Variants in FOCAD observed in about 807,000 individuals in gnomAD.
FOCAD encodes KIAA1797.
A neutral mutation model predicts 225.6 loss-of-function variants in FOCAD; 198 were observed. The observed-to-expected ratio is 0.88, with a 90% CI of 0.78 to 0.99. The LOEUF is 0.99. Among genes scored for constraint, FOCAD ranks in the 50% least tolerant of loss-of-function variants. FOCAD has a pLI of 0.00. For synonymous variants in FOCAD, 897 were observed against 755.0 expected, an observed-to-expected ratio of 1.19 and a Z score of -3.08; for missense variants, 2,713 against 2,123.6, an observed-to-expected ratio of 1.28 and a Z score of -5.46.
At chr9:20,663,040 A>C (rs80214940) in intron 2 of FOCAD, among the ~76,000 whole-genome samples, 2 of 152,048 alleles carry the variant, frequency 1.3e-5, no homozygotes, top group Non-Finnish European at 2.9e-5. Flanking sequence ...ACAAACTATA[A>C]AACAAAAGGT....
chr9:20,967,392 T>A (rs1376923784), intron 35 of FOCAD, among the ~76,000 whole-genome samples: 1 of 152,190 alleles, frequency 6.6e-6, no homozygotes, highest in Non-Finnish European at 1.5e-5. Flanking sequence ...ATTGAATTCC[T>A]TTATTAACTC....
intron 1 of FOCAD, among the ~76,000 whole-genome samples, chr9:20,699,467 C>T (rs960332555): frequency 2.0e-5 from 3 of 151,516 alleles, no homozygotes; most frequent in Admixed American, 1.3e-4. Flanking sequence ...AGCACCTGGG[C>T]GCAGTAGCTC....
intron 28 of FOCAD, among the ~76,000 whole-genome samples, chr9:20,938,436 T>A (rs1472384537): frequency 6.6e-6 from 1 of 152,134 alleles, no homozygotes; most frequent in Non-Finnish European, 1.5e-5. Flanking sequence ...TGTAGGGACA[T>A]GGATGAAGCT....
At chr9:20,785,023 A>G (rs1372346053) in intron 10 of FOCAD, among the ~76,000 whole-genome samples, 1 of 151,394 alleles carries the variant, frequency 6.6e-6, no homozygotes, top group Non-Finnish European at 1.5e-5. Context: ...GCAACAAAAC[A>G]CCCCCTTCAT....
chr9:20,690,241 C>T (rs1386757688), intron 1 of FOCAD, among the ~76,000 whole-genome samples: 1 of 152,162 alleles, frequency 6.6e-6, no homozygotes, highest in African/African-American at 2.4e-5. Flanking sequence ...TTCCTTTTAC[C>T]TTCCGAAGGA....
chr9:20,682,143 CAT>C (rs1587205738), upstream of FOCAD, among the ~76,000 whole-genome samples: 1 of 152,202 alleles, frequency 6.6e-6, no homozygotes, highest in Non-Finnish European at 1.5e-5. Flanking sequence ...GGAACCTCAC[CAT>C]ATTCCAAATC....
At chr9:20,807,724 A>G (rs980495306) in intron 11 of FOCAD, among the ~76,000 whole-genome samples, 13 of 152,142 alleles carry the variant, frequency 8.5e-5, no homozygotes, top group African/African-American at 2.9e-4. Flanking sequence ...CCCAATGCTC[A>G]CTTTTTCAAT....
chr9:20,672,407 TAAAC>T (rs932168449), intron 2 of FOCAD, among the ~76,000 whole-genome samples: 3 of 152,230 alleles, frequency 2.0e-5, no homozygotes, highest in African/African-American at 4.8e-5. Context: ...ATATTTAAGT[TAAAC>T]AAATGAAATC....
At chr9:20,995,422 T>A in intron 43 of FOCAD, 134 bp from the exon 44 acceptor site, 1 of 479,830 alleles carries the variant, frequency 2.1e-6, no homozygotes, top group African/African-American at 2.0e-5. Flanking sequence ...GCCATTAAAA[T>A]CCTGCCAAAA....
chr9:20,890,530 G>A (rs935244062), intron 21 of FOCAD, among the ~76,000 whole-genome samples: 2 of 151,726 alleles, frequency 1.3e-5, no homozygotes, highest in African/African-American at 2.4e-5. Context: ...GATACACTCC[G>A]CTTGATCATA....
At chr9:20,920,498 A>G (rs1169086225) in intron 24 of FOCAD, among the ~76,000 whole-genome samples, 2 of 126,964 alleles carry the variant, frequency 1.6e-5, no homozygotes, top group Non-Finnish European at 3.3e-5. Context: ...ATGCTGCTAT[A>G]AAGACACATG....
intron 5 of FOCAD, among the ~76,000 whole-genome samples, chr9:20,748,452 G>T (rs1828257523): frequency 6.6e-6 from 1 of 151,908 alleles, no homozygotes. Flanking sequence ...TTACATAAAA[G>T]TTTTGGACTT....
intron 28 of FOCAD, among the ~76,000 whole-genome samples, chr9:20,940,156 T>A (rs905846231): frequency 6.6e-6 from 1 of 152,290 alleles, no homozygotes; most frequent in African/African-American, 2.4e-5. Flanking sequence ...TAGAGCCCAA[T>A]TAAAAGCTCA....
intron 2 of FOCAD, among the ~76,000 whole-genome samples, chr9:20,676,592 T>C (rs1182253254): frequency 1.3e-5 from 2 of 152,228 alleles, no homozygotes; most frequent in Non-Finnish European, 2.9e-5. Context: ...GTTCCTGTGC[T>C]GTCAAAGTTT....
intron 1 of FOCAD, among the ~76,000 whole-genome samples, chr9:20,686,110 G>A (rs1334195139): frequency 6.6e-6 from 1 of 152,152 alleles, no homozygotes; most frequent in Non-Finnish European, 1.5e-5. Context: ...TCACTATTAG[G>A]AGTTTGGAAA....
intron 2 of FOCAD, among the ~76,000 whole-genome samples, chr9:20,664,555 A>G (rs1398880103): frequency 2.0e-5 from 3 of 151,998 alleles, no homozygotes; most frequent in Non-Finnish European, 4.4e-5. Context: ...GAAGGGAGAG[A>G]TAAATCCCAT....
chr9:20,715,046 T>A (rs1335834010), intron 1 of FOCAD, among the ~76,000 whole-genome samples: 1 of 152,244 alleles, frequency 6.6e-6, no homozygotes, highest in Non-Finnish European at 1.5e-5. Context: ...TTGGATGTTT[T>A]TTTCATTTCC....
intron 15 of FOCAD, among the ~76,000 whole-genome samples, chr9:20,823,511 G>C (rs913714614): frequency 6.6e-6 from 1 of 152,088 alleles, no homozygotes; most frequent in African/African-American, 2.4e-5. Flanking sequence ...ATAGCTAAAA[G>C]ATTGGGAAAG....
At chr9:20,730,209 C>T (rs1332085613) in intron 4 of FOCAD, among the ~76,000 whole-genome samples, 1 of 152,070 alleles carries the variant, frequency 6.6e-6, no homozygotes, top group Non-Finnish European at 1.5e-5. Flanking sequence ...ATGATGTTAG[C>T]AGCTGTTGAT....
Sources: gnomAD v4.1 joint callset for allele counts (sites outside exome capture counted in the v4.1 genomes callset) on GRCh38, gnomAD v4.1.1 for gene constraint, MANE v1.5 for transcripts, NCBI Gene and HGNC (gene_info 2026-07-23, HGNC 2026-07-21) for gene names.